SLC12A8: variants seen among roughly 807,000 people sequenced by gnomAD.
The protein encoded by SLC12A8 is solute carrier family 12 member 8, also known as cation-chloride cotransporter 9.
Under a neutral mutation model 75.6 loss-of-function variants are expected in SLC12A8, and 69 were observed. The observed-to-expected ratio is 0.91, with a 90% CI of 0.75 to 1.11. The LOEUF is 1.11. SLC12A8 is among the 50% of genes most tolerant of loss of function. SLC12A8 has a pLI of 0.00. For missense variants in SLC12A8, 877 were observed against 896.7 expected (o/e 0.98, Z 0.28); for synonymous variants, 365 against 372.8 (o/e 0.98, Z 0.24).
intron 5 of SLC12A8, among the ~76,000 whole-genome samples, chr3:125,162,214 T>C (rs193211757): frequency 6.6e-6 from 1 of 152,354 alleles, no homozygotes; most frequent in Non-Finnish European, 1.5e-5. Context: ...TCTTTTACTG[T>C]TTTTGATTCA....
At chr3:125,125,470 A>G (rs2107754261) in intron 6 of SLC12A8, among the ~76,000 whole-genome samples, 1 of 152,336 alleles carries the variant, frequency 6.6e-6, no homozygotes, top group East Asian at 1.9e-4. Context: ...GAGGCAGGAA[A>G]ATCGCTTGAA....
intron 6 of SLC12A8, among the ~76,000 whole-genome samples, chr3:125,125,083 A>G (rs908554485): frequency 2.6e-4 from 39 of 151,452 alleles, no homozygotes; most frequent in African/African-American, 9.2e-4. Flanking sequence ...AGAGAAATAC[A>G]GCACACAGTT....
intron 8 of SLC12A8, among the ~76,000 whole-genome samples, chr3:125,112,175 T>G (rs1446993571): frequency 6.6e-6 from 1 of 152,214 alleles, no homozygotes; most frequent in Non-Finnish European, 1.5e-5. Flanking sequence ...GAAGGTCAGA[T>G]GCTTGATGAA....
intron 6 of SLC12A8, among the ~76,000 whole-genome samples, chr3:125,128,544 A>G (rs1424746485): frequency 6.9e-6 from 1 of 144,246 alleles, no homozygotes; most frequent in African/African-American, 2.6e-5. Context: ...CAGTGATGCA[A>G]TCTTGGCTCA....
intron 5 of SLC12A8, among the ~76,000 whole-genome samples, chr3:125,141,211 A>C (rs1413098693): frequency 6.6e-6 from 1 of 152,026 alleles, no homozygotes; most frequent in African/African-American, 2.4e-5. Context: ...TGACAACAAG[A>C]CCCAGGCAGG....
intron 6 of SLC12A8, among the ~76,000 whole-genome samples, chr3:125,133,737 T>C (rs1933420377): frequency 6.6e-6 from 1 of 152,162 alleles, no homozygotes; most frequent in African/African-American, 2.4e-5. Flanking sequence ...AAGCTAACTT[T>C]TTAATCATGT....
chr3:125,099,520 C>T (rs1938806548), intron 10 of SLC12A8, among the ~76,000 whole-genome samples: 2 of 151,970 alleles, frequency 1.3e-5, no homozygotes, highest in South Asian at 4.2e-4. Flanking sequence ...ACAAAGACTT[C>T]AAACTTCAAA....
chr3:125,211,522 T>C, intron 1 of SLC12A8, 128 bp from the exon 2 acceptor site: 1 of 653,682 alleles, frequency 1.5e-6, no homozygotes, highest in Non-Finnish European at 2.8e-6. Flanking sequence ...AAACCTTGTC[T>C]ACCTCATCTG....
At position 125,128,177 on chromosome 3, in the gene SLC12A8, A is replaced by ATTT. The variant is rs776219498; in HGVS notation, c.736+7489_736+7491dup. Among the ~76,000 whole-genome samples the ATTT allele has an allele frequency of 2.7e-3, 269 of 98,314 alleles. 40 individuals are homozygous for ATTT. The highest frequency in any genetic ancestry group is 3.3e-3 in the Admixed American group (27 of 8,154). The allele number at this position is 98,314 out of a possible 152,430, so 64.5% of individuals were successfully genotyped here. On this transcript the variant is annotated intron_variant, in intron 6 of 13. Coordinates refer to ENST00000469902, the MANE Select transcript of SLC12A8 (RefSeq NM_024628.6). ...GAGCCACCGTGCCCGGCCTAAGCTT[A>ATTT]TTTTTATTTTTTTTTTTTTTTGAGA...
chr3:125,183,260 G>A (rs76552596), intron 4 of SLC12A8, among the ~76,000 whole-genome samples: 6,066 of 152,130 alleles, frequency 0.04, 146 homozygotes, highest in East Asian at 0.068. Flanking sequence ...ATGTCTTAAG[G>A]GTTTGTTATA....
At chr3:125,205,086 G>A (rs1020604668) in intron 2 of SLC12A8, among the ~76,000 whole-genome samples, 12 of 151,952 alleles carry the variant, frequency 7.9e-5, no homozygotes. Context: ...CAGACACCCG[G>A]CAACCAGAGG....
intron 10 of SLC12A8, among the ~76,000 whole-genome samples, chr3:125,105,192 A>G (rs1462043702): frequency 6.6e-6 from 1 of 150,954 alleles, no homozygotes; most frequent in East Asian, 2.0e-4. Context: ...ACCATTTAAG[A>G]AGATACAAAA....
intron 5 of SLC12A8, among the ~76,000 whole-genome samples, chr3:125,173,681 C>G (rs1220925138): frequency 6.6e-6 from 1 of 152,176 alleles, no homozygotes; most frequent in Non-Finnish European, 1.5e-5. Flanking sequence ...AAAACTTCTG[C>G]TCTGCAAAAG....
intron 6 of SLC12A8, among the ~76,000 whole-genome samples, chr3:125,131,013 G>A (rs999987806): frequency 1.3e-5 from 2 of 152,242 alleles, no homozygotes; most frequent in African/African-American, 4.8e-5. Context: ...GACACTGCCA[G>A]GCTCCAGAGA....
chr3:125,132,255 T>C (rs181901203), intron 6 of SLC12A8, among the ~76,000 whole-genome samples: 2 of 152,114 alleles, frequency 1.3e-5, no homozygotes, highest in Admixed American at 1.3e-4. Context: ...CTGACTCTTT[T>C]TGTTTTATAA....
At chr3:125,202,650 T>A (rs75470621) in intron 2 of SLC12A8, among the ~76,000 whole-genome samples, 8,007 of 149,702 alleles carry the variant, frequency 0.053, 450 homozygotes, top group African/African-American at 0.12. Flanking sequence ...TTTTTTTTTT[T>A]AAATCTGTAT....
At chr3:125,200,415 C>T (rs1935097650) in intron 2 of SLC12A8, among the ~76,000 whole-genome samples, 1 of 152,200 alleles carries the variant, frequency 6.6e-6, no homozygotes, top group Non-Finnish European at 1.5e-5. Context: ...TGCCACTGTA[C>T]TCCAGCTGGG....
chr3:125,122,500 A>T (rs1933090011), intron 6 of SLC12A8, among the ~76,000 whole-genome samples: 1 of 152,236 alleles, frequency 6.6e-6, no homozygotes. Context: ...CCCTAAGTAG[A>T]TGAAAGGTTC....
At chr3:125,115,687 G>A (rs1939292817) in intron 8 of SLC12A8, among the ~76,000 whole-genome samples, 1 of 152,184 alleles carries the variant, frequency 6.6e-6, no homozygotes, top group African/African-American at 2.4e-5. Flanking sequence ...AGGGCAGCCT[G>A]CAGCCATTGA....
Sources: allele counts gnomAD v4.1 joint callset (sites outside exome capture counted in the v4.1 genomes callset), GRCh38; gene constraint gnomAD v4.1.1; transcripts MANE v1.5; gene names NCBI Gene and HGNC (gene_info 2026-07-23, HGNC 2026-07-21).